The following KRTAP7-1 variants were observed in gnomAD, a reference collection of about 807,000 sequenced individuals.
The protein encoded by KRTAP7-1 is keratin associated protein 7-1.
KRTAP7-1 carries 4 observed loss-of-function variants against 5.1 expected under a neutral mutation model. That is an observed-to-expected ratio of 0.78 (90% CI 0.38 to 1.79). The LOEUF is 1.79. KRTAP7-1 is among the 40% of genes most tolerant of loss of function. The pLI, the probability that KRTAP7-1 is intolerant of heterozygous loss-of-function variation, is 0.04. For synonymous variants in KRTAP7-1, 42 were observed against 41.5 expected (o/e 1.01, Z -0.05); for missense variants, 98 against 105.3 (o/e 0.93, Z 0.30).
chr21:30,829,360 A>T lies in KRTAP7-1; in HGVS notation c.*75T>A. ...CCCAAGCACATGGGAAGGTAGGAAG[A>T]CAGTCATTGCTCTTCAGGTTGTTCT... On this transcript the variant is annotated 3_prime_UTR_variant, in exon 1 of 1. Coordinates refer to ENST00000621162, the MANE Select transcript of KRTAP7-1 (RefSeq NM_181606.3). 6.9e-7 allele frequency: 1 copy of T among 1,447,442 alleles called. No individual in the cohort carries two copies. The highest frequency in any genetic ancestry group is 9.3e-7 in the Non-Finnish European group (1 of 1,080,158). The allele number at this position is 1,447,442 out of a possible 1,614,324, so 89.7% of individuals were successfully genotyped here.
At position 30,829,609 on chromosome 21, in the gene KRTAP7-1, C is replaced by T. The variant is rs565659974; in HGVS notation, c.90G>A (p.Leu30=). The T allele has an allele frequency of 9.3e-5, 145 of 1,551,520 alleles. No individual in the cohort carries two copies. The highest frequency in any genetic ancestry group is 1.2e-4 in the Non-Finnish European group (138 of 1,146,962). Residue 30 remains leucine, a synonymous_variant, in exon 1 of 1, where the codon TTG becomes TTA. Transcript: ENST00000621162. The stretch of plus-strand genomic sequence containing the variant: ...GAGAGCCCAGAGGCACAACACAGTT[C>T]AAGGGGGTGGCTCTGAAGGTCCCAT... ...NFHGTFRATP[L]NCVVPLGSPL...
At position 30,829,093 on chromosome 21, in the gene KRTAP7-1, C is replaced by T. The variant is rs1434685554; in HGVS notation, c.*342G>A. On this transcript the variant is annotated 3_prime_UTR_variant, in exon 1 of 1. Transcript: ENST00000621162. ...AGACTGACAGAAAATCCCCTTACTA[C>T]CCACACCCAATTTGTAATACATTAA... 1 of 210,466 alleles carries T rather than the reference C, an allele frequency of 4.8e-6. No individual in the cohort carries two copies. Among genetic ancestry groups the T allele is most frequent in the East Asian group, 1.1e-4 (1 of 8,786 alleles). 13.0% of individuals were successfully genotyped at this position (210,466 alleles called of 1,614,324 possible).
chr21:30,829,394 A>T lies in KRTAP7-1; in HGVS notation c.*41T>A. 6.5e-7 allele frequency: 1 copy of T among 1,539,370 alleles called. No homozygotes were observed. The highest frequency in any genetic ancestry group is 8.8e-7 in the Non-Finnish European group (1 of 1,141,870). On this transcript the variant is annotated 3_prime_UTR_variant, in exon 1 of 1. Coordinates refer to ENST00000621162, the MANE Select transcript of KRTAP7-1 (RefSeq NM_181606.3). ...GCTCTTCAGGTTGTTCTGTGCAGAG[A>T]ATTAATTGAGAGTCCTGTAGTCACT...
In KRTAP7-1 at chr21:30,829,185, T is replaced by C. The variant is rs189967930; in HGVS notation, c.*250A>G. 116 of 475,064 alleles carry C rather than the reference T, an allele frequency of 2.4e-4. No individual in the cohort carries two copies. The highest frequency in any genetic ancestry group is 2.1e-3 in the African/African-American group (108 of 51,816). The allele number at this position is 475,064 out of a possible 1,614,324, so 29.4% of individuals were successfully genotyped here. ...GGGAGGCAAACTACTTTTTCACTGT[T>C]AAAATTCAAGTATGACCAAAAAAAT... is the stretch of plus-strand genomic sequence containing the variant. On this transcript the variant is annotated 3_prime_UTR_variant, in exon 1 of 1. Transcript: ENST00000621162.
Position 30,829,321 on chromosome 21 carries a change from T to C in KRTAP7-1, c.*114A>G. 7.5e-6 allele frequency: 9 copies of C among 1,201,940 alleles called. No homozygotes were observed. The highest frequency in any genetic ancestry group is 1.0e-5 in the Non-Finnish European group (9 of 875,658). The allele number at this position is 1,201,940 out of a possible 1,614,324, so 74.5% of individuals were successfully genotyped here. A position where few individuals can be genotyped will look rare whatever the true frequency, so the allele number is the denominator to read the frequency against. Reference sequence around the variant, plus strand: ...CCACAGCAAGAAGTCAGCAAGAAGATGGAAGATGTATCACCCAAGCACATG... The same window carrying C: ...CCACAGCAAGAAGTCAGCAAGAAGACGGAAGATGTATCACCCAAGCACATG... On this transcript the variant is annotated 3_prime_UTR_variant, in exon 1 of 1. Transcript: ENST00000621162.
chr21:30,829,591 C>T lies in KRTAP7-1; in HGVS notation c.108G>A (p.Leu36=). The change falls in exon 1 of 1, where the codon CTG becomes CTA. Residue 36 remains leucine, a synonymous_variant. Transcript: ENST00000621162. ...CACAGCCATAGTTCAGGGGAGAGCCCAGAGGCACAACACAGTTCAAGGGGG... is the reference window on the plus strand; with the variant it reads ...CACAGCCATAGTTCAGGGGAGAGCCTAGAGGCACAACACAGTTCAAGGGGG... The part of the protein sequence containing the change: ...RATPLNCVVP[L]GSPLNYGCGC... The T allele has an allele frequency of 6.4e-7, 1 of 1,551,652 alleles. No homozygotes were observed. The highest frequency in any genetic ancestry group is 1.2e-5 in the South Asian group (1 of 84,064).
Position 30,829,731 on chromosome 21 carries a change from T to C in KRTAP7-1, c.-33A>G. 2 of 1,521,618 alleles carry C rather than the reference T, an allele frequency of 1.3e-6. No individual in the cohort carries two copies. Among genetic ancestry groups the C allele is most frequent in the Middle Eastern group, 1.7e-4 (1 of 5,814 alleles). 94.3% of individuals were successfully genotyped at this position (1,521,618 alleles called of 1,614,324 possible). ...GCAATTGAGAAGGATTTAGATGGAT[T>C]GTGAAGGGTAAGTTACCCAAGTGTT... On this transcript the variant is annotated 5_prime_UTR_variant, in exon 1 of 1. Transcript: ENST00000621162.
In KRTAP7-1 at chr21:30,829,460, G is replaced by A; in HGVS notation, c.239C>T (p.Ser80Phe). ...GSFYRPWGSG[S>F]GFGYSTY ...TCAGTAGGTGCTGTAGCCAAAGCCA[G>A]AGCCAGAGCCCCATGGCCTATAGAA... is the stretch of plus-strand genomic sequence containing the variant. Residue 80 changes from serine to phenylalanine, a missense_variant, in exon 1 of 1, where the codon TCT (serine) becomes TTT (phenylalanine). Transcript: ENST00000621162. 3.2e-6 allele frequency: 5 copies of A among 1,551,656 alleles called. No individual in the cohort carries two copies. Among genetic ancestry groups the A allele is most frequent in the Non-Finnish European group, 4.4e-6 (5 of 1,146,968 alleles).
Position 30,829,136 on chromosome 21 carries a change from A to G in KRTAP7-1, c.*299T>C. ...TACATTAATGTTGATGTAGAAGCTA[A>G]TAATACATGAGCAGAGCAACCATGG... On this transcript the variant is annotated 3_prime_UTR_variant, in exon 1 of 1. Coordinates refer to ENST00000621162, the MANE Select transcript of KRTAP7-1 (RefSeq NM_181606.3). 1 of 318,962 alleles carries G rather than the reference A, an allele frequency of 3.1e-6. No homozygotes were observed. The highest frequency in any genetic ancestry group is 5.8e-6 in the Non-Finnish European group (1 of 173,892). The allele number at this position is 318,962 out of a possible 1,614,324, so 19.8% of individuals were successfully genotyped here.
In KRTAP7-1 at chr21:30,829,477, C is replaced by T; in HGVS notation, c.222G>A (p.Arg74=). 6.4e-7 allele frequency: 1 copy of T among 1,551,666 alleles called. No individual in the cohort carries two copies. Reference sequence around the variant, plus strand: ...CAAAGCCAGAGCCAGAGCCCCATGGCCTATAGAAGCTACCACCATAGCAGC... The same window carrying T: ...CAAAGCCAGAGCCAGAGCCCCATGGTCTATAGAAGCTACCACCATAGCAGC... ...LGGCYGGSFY[R]PWGSGSGFGY... Residue 74 remains arginine (R), a synonymous_variant, in exon 1 of 1, where the codon AGG becomes AGA. Transcript: ENST00000621162.
chr21:30,829,504 G>A lies in KRTAP7-1; in HGVS notation c.195C>T (p.Gly65=), dbSNP rs9982910. The A allele has an allele frequency of 1.4e-5, 22 of 1,551,200 alleles. No homozygotes were observed. Among genetic ancestry groups the A allele is most frequent in the Middle Eastern group, 3.3e-4 (2 of 5,990 alleles). ...TATAGAAGCTACCACCATAGCAGCC[G>A]CCCAGGTTGTTGATGTTGCTACCAC... is the stretch of plus-strand genomic sequence containing the variant. ...SFGGSNINNL[G]GCYGGSFYRP... is the part of the protein sequence containing the mutation. Residue 65 remains glycine (G), a synonymous_variant, in exon 1 of 1, where the codon GGC becomes GGT. Transcript: ENST00000621162.
At position 30,829,393 on chromosome 21, in the gene KRTAP7-1, G is replaced by C; in HGVS notation, c.*42C>G. The C allele has an allele frequency of 6.5e-7, 1 of 1,538,660 alleles. No homozygotes were observed. Among genetic ancestry groups the C allele is most frequent in the Non-Finnish European group, 8.8e-7 (1 of 1,141,400 alleles). ...TGCTCTTCAGGTTGTTCTGTGCAGA[G>C]AATTAATTGAGAGTCCTGTAGTCAC... On this transcript the variant is annotated 3_prime_UTR_variant, in exon 1 of 1. Transcript: ENST00000621162.
At position 30,829,252 on chromosome 21, in the gene KRTAP7-1, A is replaced by C. The variant is rs1985240003; in HGVS notation, c.*183T>G. The C allele has an allele frequency of 1.5e-6, 1 of 655,172 alleles. No individual in the cohort carries two copies. Among genetic ancestry groups the C allele is most frequent in the Admixed American group, 3.0e-5 (1 of 32,914 alleles). The allele number at this position is 655,172 out of a possible 1,614,324, so 40.6% of individuals were successfully genotyped here. The stretch of plus-strand genomic sequence containing the variant: ...GTCTGTAGATGAGTATCAGTTCAGC[A>C]CCTGAGTCCTGGGTGACTTGTCCAA... On this transcript the variant is annotated 3_prime_UTR_variant, in exon 1 of 1. Transcript: ENST00000621162.
Position 30,829,390 on chromosome 21 carries a change from A to G in KRTAP7-1, c.*45T>C. ...CATTGCTCTTCAGGTTGTTCTGTGC[A>G]GAGAATTAATTGAGAGTCCTGTAGT... is the stretch of plus-strand genomic sequence containing the variant. On this transcript the variant is annotated 3_prime_UTR_variant, in exon 1 of 1. Transcript: ENST00000621162. 6.5e-7 allele frequency: 1 copy of G among 1,532,558 alleles called. No individual in the cohort carries two copies. Among genetic ancestry groups the G allele is most frequent in the Non-Finnish European group, 8.8e-7 (1 of 1,137,098 alleles). 94.9% of individuals were successfully genotyped at this position (1,532,558 alleles called of 1,614,324 possible).
Position 30,829,684 on chromosome 21 carries a change from G to T in KRTAP7-1, c.15C>A (p.Phe5Leu), listed in dbSNP as rs1279788417. 1 of 1,550,048 alleles carries T rather than the reference G, an allele frequency of 6.5e-7. No individual in the cohort carries two copies. The highest frequency in any genetic ancestry group is 2.0e-5 in the Admixed American group (1 of 50,812). MTRY[F>L]CCGSYFPGYP... ...ATCCTGGGAAGTAGCTTCCACAGCA[G>T]AAGTAACGAGTCATGGTGGCAGCAA... Residue 5 changes from phenylalanine (F) to leucine (L), a missense_variant, in exon 1 of 1, where the codon TTC (phenylalanine) becomes TTA (leucine). Phe to Leu is a conservative substitution (Grantham distance 22). Coordinates refer to ENST00000621162, the MANE Select transcript of KRTAP7-1 (RefSeq NM_181606.3).
Position 30,829,214 on chromosome 21 carries a change from T to C in KRTAP7-1, c.*221A>G, listed in dbSNP as rs879590919. The C allele has an allele frequency of 1.9e-6, 1 of 527,246 alleles. No individual in the cohort carries two copies. The highest frequency in any genetic ancestry group is 3.0e-5 in the East Asian group (1 of 32,994). 32.7% of individuals were successfully genotyped at this position (527,246 alleles called of 1,614,324 possible). A position where few individuals can be genotyped will look rare whatever the true frequency, so the allele number is the denominator to read the frequency against. ...ATTCAAGTATGACCAAAAAAATGCA[T>C]CTTGCTTCCTTTGTCTGTAGATGAG... On this transcript the variant is annotated 3_prime_UTR_variant, in exon 1 of 1. Coordinates refer to ENST00000621162, the MANE Select transcript of KRTAP7-1 (RefSeq NM_181606.3).
chr21:30,829,561 G>C lies in KRTAP7-1; in HGVS notation c.138C>G (p.Cys46Trp). 1.3e-6 allele frequency: 2 copies of C among 1,551,678 alleles called. No individual in the cohort carries two copies. The highest frequency in any genetic ancestry group is 2.0e-5 in the Admixed American group (1 of 51,010). ...LGSPLNYGCG[C>W]NGYSSLGYSF... ...TGTAGCCCAGGGAGCTGTAGCCATT[G>C]CATCCACAGCCATAGTTCAGGGGAG... The change falls in exon 1 of 1, where the codon TGC becomes TGG. Residue 46 changes from cysteine (C) to tryptophan (W), a missense_variant. Transcript: ENST00000621162.
At position 30,829,679 on chromosome 21, in the gene KRTAP7-1, C is replaced by G; in HGVS notation, c.20G>C (p.Cys7Ser). 1 of 1,550,468 alleles carries G rather than the reference C, an allele frequency of 6.4e-7. No individual in the cohort carries two copies. Among genetic ancestry groups the G allele is most frequent in the Non-Finnish European group, 8.7e-7 (1 of 1,146,310 alleles). ...AGGGTATCCTGGGAAGTAGCTTCCA[C>G]AGCAGAAGTAACGAGTCATGGTGGC... MTRYFC[C>S]GSYFPGYPIY... Residue 7 changes from cysteine (C) to serine (S), a missense_variant, in exon 1 of 1, where the codon TGT becomes TCT. By Grantham distance (112) the Cys-to-Ser change is moderately radical (BLOSUM62 -1). Transcript: ENST00000621162.
Position 30,829,468 on chromosome 21 carries a change from GC to G in KRTAP7-1, c.230del (p.Gly77AlafsTer32). On this transcript the variant is annotated frameshift_variant, in exon 1 of 1. Coordinates refer to ENST00000621162, the MANE Select transcript of KRTAP7-1 (RefSeq NM_181606.3). LOFTEE classifies it high-confidence loss of function. ...TGCTGTAGCCAAAGCCAGAGCCAGA[GC>G]CCCATGGCCTATAGAAGCTACCACC... The part of the protein sequence containing the change: ...CYGGSFYRPW[G>X]SGSGFGYSTY 4.5e-6 allele frequency: 7 copies of G among 1,551,642 alleles called. No homozygotes were observed. Among genetic ancestry groups the G allele is most frequent in the Non-Finnish European group, 6.1e-6 (7 of 1,146,958 alleles).
Sources: allele counts gnomAD v4.1 joint callset, GRCh38; gene constraint gnomAD v4.1.1; transcripts MANE v1.5; gene names NCBI Gene and HGNC (gene_info 2026-07-23, HGNC 2026-07-21).